BDP1: variants seen among roughly 807,000 people sequenced by gnomAD.
BDP1 encodes transcription factor TFIIIB component B'' homolog.
In BDP1, 169 loss-of-function variants were observed where a neutral mutation model predicts 266.6. That is an observed-to-expected ratio of 0.63 (90% CI 0.56 to 0.72). The LOEUF is 0.72. BDP1 is among the 30% of genes least tolerant of loss of function. The probability of loss-of-function intolerance (pLI) is 0.00; values close to 1 mark genes in which losing one functional copy is unlikely to be tolerated. For missense variants in BDP1, 3,015 were observed against 3,053.8 expected (o/e 0.99, Z 0.30); for synonymous variants, 1,090 against 1,022.4 (o/e 1.07, Z -1.26).
At chr5:71,526,535 G>A (rs1765888429) in intron 25 of BDP1, among the ~76,000 whole-genome samples, 1 of 140,882 alleles carries the variant, frequency 7.1e-6, no homozygotes, top group Non-Finnish European at 1.5e-5. Flanking sequence ...AGAATTGCTT[G>A]AACCCGGGAA....
intron 12 of BDP1, among the ~76,000 whole-genome samples, chr5:71,495,668 T>TA (rs1458215940): frequency 1.3e-5 from 2 of 152,188 alleles, no homozygotes; most frequent in African/African-American, 4.8e-5. Context: ...GGTGGTAACT[T>TA]ACGAAATTCT....
At chr5:71,574,903 TG>T in the BDP1 span, among the ~76,000 whole-genome samples, 1 of 152,228 alleles carries the variant, frequency 6.6e-6, no homozygotes, top group African/African-American at 2.4e-5. Context: ...AGAAATTTTA[TG>T]GGCTTATGGA....
At chr5:71,558,730 G>A (rs1743408968) in intron 36 of BDP1, among the ~76,000 whole-genome samples, 1 of 152,048 alleles carries the variant, frequency 6.6e-6, no homozygotes, top group Admixed American at 6.6e-5. Flanking sequence ...GCAGGCTGAG[G>A]CAGGAGAATC....
intron 15 of BDP1, among the ~76,000 whole-genome samples, chr5:71,504,386 C>T (rs1456688839): frequency 6.6e-6 from 1 of 151,952 alleles, no homozygotes; most frequent in Non-Finnish European, 1.5e-5. Flanking sequence ...GAAACCAAGG[C>T]AGTTACTTGT....
intron 16 of BDP1, among the ~76,000 whole-genome samples, chr5:71,505,971 T>C (rs1764553841): frequency 6.6e-6 from 1 of 152,224 alleles, no homozygotes; most frequent in African/African-American, 2.4e-5. Flanking sequence ...CTTGTTGCCT[T>C]CACTATTCCT....
chr5:71,476,298 T>A (rs1762580606), intron 7 of BDP1: 1 of 152,948 alleles, frequency 6.5e-6, no homozygotes, highest in African/African-American at 2.4e-5. Context: ...GCTAGCAAAG[T>A]TCAGCACACT....
intron 26 of BDP1, among the ~76,000 whole-genome samples, chr5:71,535,524 G>A (rs986952383): frequency 1.3e-5 from 2 of 152,108 alleles, no homozygotes; most frequent in African/African-American, 4.8e-5. Context: ...AAAATTTTAA[G>A]TCGGGTACTC....
chr5:71,469,228 T>A (rs1417197561), intron 6 of BDP1, among the ~76,000 whole-genome samples: 1 of 151,962 alleles, frequency 6.6e-6, no homozygotes, highest in African/African-American at 2.4e-5. Context: ...AGCCGCCACC[T>A]CCTAGGTTCA....
intron 16 of BDP1, among the ~76,000 whole-genome samples, chr5:71,506,695 C>T (rs918059042): frequency 6.7e-6 from 1 of 150,290 alleles, no homozygotes; most frequent in African/African-American, 2.5e-5. Context: ...ATCTTACCTA[C>T]TTCATATAAA....
intron 3 of BDP1, 42 bp from the exon 4 acceptor site, chr5:71,464,016 A>G (rs1014738030): frequency 2.6e-6 from 3 of 1,154,836 alleles, no homozygotes; most frequent in Non-Finnish European, 3.7e-6. Flanking sequence ...GGAAGATATA[A>G]ATTAATAATT....
rs747669632 is a variant in BDP1 at position 71,502,662 on chromosome 5, G to C, written c.2112G>C (p.Val704=). 19 of 1,614,082 alleles carry C rather than the reference G, an allele frequency of 1.2e-5. No individual in the cohort carries two copies. In the South Asian group the frequency reaches 1.8e-4, roughly 15 times the overall value. ...TAAAGGCTTTAAGACCTGTACAAGTGAGGGGCCGATTGCAAAAGCCAAAGC... is the reference window on the plus strand; with the variant it reads ...TAAAGGCTTTAAGACCTGTACAAGTCAGGGGCCGATTGCAAAAGCCAAAGC... ...SQLKALRPVQ[V]RGRLQKPKPN... Residue 704 remains valine, a synonymous_variant, in exon 15 of 39, where the codon GTG becomes GTC. Coordinates refer to ENST00000358731, the MANE Select transcript of BDP1 (RefSeq NM_018429.3).
Position 71,523,955 on chromosome 5 carries a change from A to T in BDP1, c.5404A>T (p.Asn1802Tyr). ...AATATCTAGCTGTCCACAACCGTTA[A>T]ACGAAACAAGTTACTCTAAAATTGC... is the stretch of plus-strand genomic sequence containing the variant. ...NKLTSCPQPL[N>Y]ETSYSKIALD... is the part of the protein sequence containing the mutation. The change falls in exon 25 of 39, where the codon AAC (asparagine) becomes TAC (tyrosine). Residue 1802 changes from asparagine (N) to tyrosine (Y), a missense_variant. Physicochemically the swap from Asn to Tyr is moderately radical, Grantham distance 143 (BLOSUM62 -2). Transcript: ENST00000358731. The T allele has an allele frequency of 6.2e-7, 1 of 1,613,278 alleles. No individual in the cohort carries two copies. Among genetic ancestry groups the T allele is most frequent in the Admixed American group, 1.7e-5 (1 of 59,902 alleles).
At chr5:71,575,431 A>G in the BDP1 span, among the ~76,000 whole-genome samples, 62 of 152,330 alleles carry the variant, frequency 4.1e-4, 2 homozygotes, top group South Asian at 0.01. Context: ...CTAGTAAAAG[A>G]ACAATTGGAT....
At position 71,549,602 on chromosome 5, in the gene BDP1, A is replaced by G. The variant is rs367830083; in HGVS notation, c.6991A>G (p.Met2331Val). Residue 2331 changes from methionine (M) to valine (V), a missense_variant, in exon 34 of 39, where the codon ATG (methionine) becomes GTG (valine). Physicochemically the swap from Met to Val is conservative, Grantham distance 21. This residue lies in a region of BDP1 where 629 missense variants were observed against 632.5 expected (regional missense o/e 0.99). Transcript: ENST00000358731. ...AGTGAATACCGAAGAAAGGGGTGACATGAGGTAACGAATGAGTGAAACTGT... is the reference window on the plus strand; with the variant it reads ...AGTGAATACCGAAGAAAGGGGTGACGTGAGGTAACGAATGAGTGAAACTGT... ...KSVNTEERGD[M>V]SICLPATSVG... 3.8e-6 allele frequency: 6 copies of G among 1,599,074 alleles called. No individual in the cohort carries two copies. The highest frequency in any genetic ancestry group is 4.3e-6 in the Non-Finnish European group (5 of 1,172,748).
At position 71,495,349 on chromosome 5, in the gene BDP1, G is replaced by C; in HGVS notation, c.1740G>C (p.Val580=). The change falls in exon 12 of 39, where the codon GTG becomes GTC. Residue 580 remains valine (V), a synonymous_variant. Transcript: ENST00000358731. ...FEVGIRALCE[V]NNAEGSCIEE... is the part of the protein sequence containing the mutation. The stretch of plus-strand genomic sequence containing the variant: ...TTGGAATTAGAGCATTGTGTGAGGT[G>C]AATAATGCTGAGGGTAGTTGTATAG... The C allele has an allele frequency of 6.2e-7, 1 of 1,603,632 alleles. No homozygotes were observed. The highest frequency in any genetic ancestry group is 1.1e-5 in the South Asian group (1 of 89,022).
intron 12 of BDP1, among the ~76,000 whole-genome samples, chr5:71,496,487 G>C (rs1204738670): frequency 6.6e-6 from 1 of 150,588 alleles, no homozygotes; most frequent in African/African-American, 2.4e-5. Flanking sequence ...GCCCAGGCAG[G>C]AGTGCAGTGG....
intron 1 of BDP1, among the ~76,000 whole-genome samples, chr5:71,457,330 G>GC (rs1554107129): frequency 3.7e-5 from 4 of 109,004 alleles, no homozygotes; most frequent in Non-Finnish European, 7.7e-5. Flanking sequence ...TTTTTAATTA[G>GC]TTTTTTTTTT....
chr5:71,465,276 A>T (rs1196566420), intron 4 of BDP1, among the ~76,000 whole-genome samples: 1 of 151,630 alleles, frequency 6.6e-6, no homozygotes, highest in African/African-American at 2.4e-5. Context: ...TATAAGCATT[A>T]TTATTATTAT....
At chr5:71,462,513 G>A (rs1761638794) in intron 3 of BDP1, among the ~76,000 whole-genome samples, 1 of 152,114 alleles carries the variant, frequency 6.6e-6, no homozygotes, top group South Asian at 2.1e-4. Flanking sequence ...CAGCACTTTA[G>A]GAGACCAAGG....
Sources: gnomAD v4.1 joint callset for allele counts (sites outside exome capture counted in the v4.1 genomes callset) on GRCh38, gnomAD v4.1.1 for gene constraint, gnomAD v4.1.1 regional missense constraint, MANE v1.5 for transcripts, NCBI Gene and HGNC (gene_info 2026-07-23, HGNC 2026-07-21) for gene names.